TEAD2: variants seen among roughly 807,000 people sequenced by gnomAD.
The protein encoded by TEAD2 is TEA domain transcription factor 2.
Under a neutral mutation model 61.4 loss-of-function variants are expected in TEAD2, and 51 were observed. The ratio of observed to expected loss-of-function variants is 0.83; its 90% CI spans 0.66 to 1.05. The LOEUF is 1.05. TEAD2 is among the 50% of genes least tolerant of loss of function. The pLI is 0.00. For missense variants in TEAD2, 509 were observed against 600.0 expected, an observed-to-expected ratio of 0.85 and a Z score of 1.58; for synonymous variants, 244 against 243.2, an observed-to-expected ratio of 1.00 and a Z score of -0.03.
rs777297141 is a variant in TEAD2, at chr19:49,341,878, A to G, written c.1243-441T>C. ...GCCCTCCAGTCAGCTTCACCAGGGA[A>G]GGAGGGACCCACCTTATGTGCGAGT... On this transcript the variant is annotated intron_variant, in intron 12 of 12. Transcript: ENST00000593945. The surrounding 1 kb of genome is among the most constrained non-coding windows in gnomAD (Gnocchi z 4.2). Among the ~76,000 whole-genome samples, 23 of 152,108 alleles carry G rather than the reference A, an allele frequency of 1.5e-4. No homozygotes were observed. The highest frequency in any genetic ancestry group is 2.8e-4 in the Non-Finnish European group (19 of 68,006).
intron 11 of TEAD2, 65 bp from the exon 12 acceptor site, chr19:49,342,655 T>C: frequency 6.3e-7 from 1 of 1,581,492 alleles, no homozygotes; most frequent in East Asian, 2.3e-5. Flanking sequence ...CCCCAGGAAT[T>C]GAGCTCCACC....
chr19:49,355,080 G>A, intron 7 of TEAD2, 68 bp downstream of exon 7: 2 of 1,243,986 alleles, frequency 1.6e-6, no homozygotes, highest in African/African-American at 1.5e-5. Context: ...AGAAGGTGGA[G>A]TGAGAAAGGT....
In TEAD2 at chr19:49,359,432, G is replaced by T. The variant is rs375385056; in HGVS notation, c.297+3C>A. 26 of 1,613,834 alleles carry T rather than the reference G, an allele frequency of 1.6e-5. No individual in the cohort carries two copies. The African/African-American group carries it at 3.3e-4, about 21-fold the overall frequency. ...ACAGAAGCCCACAAGTCCATTCCGA[G>T]ACCTGTTTTCGAGTTCGGGTCTTCC... is the stretch of plus-strand genomic sequence containing the variant. On this transcript the variant is annotated splice_donor_region_variant and intron_variant, in intron 3 of 12. Transcript: ENST00000593945. The surrounding 1 kb of genome is among the most constrained non-coding windows in gnomAD (Gnocchi z 4.1).
chr19:49,355,265 T>A, intron 6 of TEAD2, 47 bp downstream of exon 6: 3 of 1,613,172 alleles, frequency 1.9e-6, no homozygotes, highest in Non-Finnish European at 2.5e-6. Context: ...TGCAGCCCCA[T>A]CCATCCCCCT....
chr19:49,360,195 C>A, intron 1 of TEAD2, 114 bp from the exon 2 acceptor site: 1 of 798,178 alleles, frequency 1.3e-6, no homozygotes, highest in Non-Finnish European at 2.0e-6. Context: ...GGCTGGGGAC[C>A]TGGACTCCTG....
Position 49,341,494 on chromosome 19 carries a change from G to A in TEAD2, c.1243-57C>T. 2 of 1,409,704 alleles carry A rather than the reference G, an allele frequency of 1.4e-6. No homozygotes were observed. The highest frequency in any genetic ancestry group is 1.0e-6 in the Non-Finnish European group (1 of 1,000,414). 87.3% of individuals were successfully genotyped at this position (1,409,704 alleles called of 1,614,324 possible). ...CTTAGAAGGGAGGGCAGGGACCCCT[G>A]TGCCCCCCTGCCAAGCTATCATGGA... On this transcript the variant is annotated intron_variant, in intron 12 of 12. Coordinates refer to ENST00000593945, the MANE Select transcript of TEAD2 (RefSeq NM_001256660.2). This position sits in a 1 kb window ranked among gnomAD's most constrained non-coding sequence, Gnocchi z 4.2.
In TEAD2 at chr19:49,340,981, G is replaced by A; in HGVS notation, c.*343C>T. ...CTCCAAGACATGCAGAGGAGTGGGG[G>A]TGGCCTGTCAGGGGCTGAAAAGAAA... On this transcript the variant is annotated 3_prime_UTR_variant, in exon 13 of 13. Transcript: ENST00000593945. The A allele has an allele frequency of 4.4e-6, 1 of 228,124 alleles. No individual in the cohort carries two copies. Among genetic ancestry groups the A allele is most frequent in the Non-Finnish European group, 8.7e-6 (1 of 114,304 alleles). The allele number at this position is 228,124 out of a possible 1,614,324, so 14.1% of individuals were successfully genotyped here.
At chr19:49,351,857 G>T (rs145407678) in intron 7 of TEAD2, among the ~76,000 whole-genome samples, 3 of 151,900 alleles carry the variant, frequency 2.0e-5, no homozygotes, top group Non-Finnish European at 2.9e-5. Context: ...GTGGTGGTGC[G>T]CGCCTGTAAT....
chr19:49,347,465 C>A, intron 9 of TEAD2, 102 bp from the exon 10 acceptor site: 2 of 1,359,038 alleles, frequency 1.5e-6, no homozygotes, highest in South Asian at 1.3e-5. Context: ...ACAGCTCTGG[C>A]CAGCTGTTCC....
intron 11 of TEAD2, among the ~76,000 whole-genome samples, chr19:49,342,940 G>A (rs531201642): frequency 1.1e-4 from 17 of 152,152 alleles, no homozygotes; most frequent in African/African-American, 4.1e-4. Context: ...TCCAGCAACT[G>A]TAAGTGTGAC....
In TEAD2 at chr19:49,345,291, TTTCC is replaced by T. The variant is rs536962723; in HGVS notation, c.921+1895_922-1894del. 2.5e-3 allele frequency among the ~76,000 whole-genome samples: 383 copies of T among 151,892 alleles called. 1 individual carries two copies. The highest frequency in any genetic ancestry group is 3.8e-3 in the Admixed American group (58 of 15,242). On this transcript the variant is annotated intron_variant, in intron 10 of 12. Coordinates refer to ENST00000593945, the MANE Select transcript of TEAD2 (RefSeq NM_001256660.2). ...AGGCCCTCAGCAGGCCTTTCCTTCC[TTTCC>T]TTCCTTCCTTCCTTCTTTCTTTCCT...
intron 10 of TEAD2, among the ~76,000 whole-genome samples, chr19:49,346,957 G>A (rs1409374620): frequency 6.6e-6 from 1 of 152,206 alleles, no homozygotes; most frequent in Non-Finnish European, 1.5e-5. Context: ...TTAGTTACAT[G>A]TGGCAATGTC....
At position 49,343,214 on chromosome 19, in the gene TEAD2, C is replaced by T. The variant is rs1971413551; in HGVS notation, c.1089+17G>A. 1 of 1,597,316 alleles carries T rather than the reference C, an allele frequency of 6.3e-7. No individual in the cohort carries two copies. Among genetic ancestry groups the T allele is most frequent in the Non-Finnish European group, 8.5e-7 (1 of 1,171,934 alleles). ...ACCCCCAAGTGCTGACCCAGAGCTC[C>T]ACCCCTCCAGCCTCACCTCCACCTT... On this transcript the variant is annotated intron_variant, in intron 11 of 12. Coordinates refer to ENST00000593945, the MANE Select transcript of TEAD2 (RefSeq NM_001256660.2).
intron 10 of TEAD2, among the ~76,000 whole-genome samples, chr19:49,344,384 G>A (rs1185226267): frequency 1.3e-5 from 2 of 151,822 alleles, no homozygotes; most frequent in Non-Finnish European, 2.9e-5. Context: ...GGGTTCAAGC[G>A]ATTCTCCTGC....
intron 1 of TEAD2, 41 bp from the exon 2 acceptor site, chr19:49,360,122 A>C: frequency 1.3e-6 from 2 of 1,498,556 alleles, no homozygotes; most frequent in Non-Finnish European, 1.8e-6. Context: ...CCCAAACCCC[A>C]CCCTCAAGGG....
rs1249003788 is a variant in TEAD2, at chr19:49,341,677, G to A, written c.1243-240C>T. On this transcript the variant is annotated intron_variant, in intron 12 of 12. Coordinates refer to ENST00000593945, the MANE Select transcript of TEAD2 (RefSeq NM_001256660.2). The surrounding 1 kb of genome is among the most constrained non-coding windows in gnomAD (Gnocchi z 4.2). The stretch of plus-strand genomic sequence containing the variant: ...GGTGTATCACATCTCAGGGTTAATC[G>A]GGTTCCCATCACATCACATTCCCTG... Among the ~76,000 whole-genome samples, 5 of 152,074 alleles carry A rather than the reference G, an allele frequency of 3.3e-5. No individual in the cohort carries two copies. Among genetic ancestry groups the A allele is most frequent in the Non-Finnish European group, 5.9e-5 (4 of 68,008 alleles).
Position 49,357,187 on chromosome 19 carries a change from T to C in TEAD2, c.360+65A>G, listed in dbSNP as rs142695949. The stretch of plus-strand genomic sequence containing the variant: ...CTCCCTGGGTCTCTGTCCCTCTCTT[T>C]CTGGGTCTCGGTCCCCCACCCCCAG... On this transcript the variant is annotated intron_variant, in intron 4 of 12. Coordinates refer to ENST00000593945, the MANE Select transcript of TEAD2 (RefSeq NM_001256660.2). 7.4e-5 allele frequency: 112 copies of C among 1,508,732 alleles called. No homozygotes were observed. In the African/African-American group the frequency reaches 1.5e-3, roughly 20 times the overall value. The allele number at this position is 1,508,732 out of a possible 1,614,324, so 93.5% of individuals were successfully genotyped here.
intron 10 of TEAD2, among the ~76,000 whole-genome samples, chr19:49,344,295 T>C (rs1203625585): frequency 6.6e-6 from 1 of 151,962 alleles, no homozygotes; most frequent in South Asian, 2.1e-4. Flanking sequence ...CTTTTCTTTT[T>C]TTTTTTTCTG....
intron 7 of TEAD2, among the ~76,000 whole-genome samples, chr19:49,353,012 C>T (rs1249991452): frequency 6.6e-6 from 1 of 152,176 alleles, no homozygotes; most frequent in Non-Finnish European, 1.5e-5. Context: ...GACTGGCCTC[C>T]TCTAGATTCC....
Sources: allele counts gnomAD v4.1 joint callset (sites outside exome capture counted in the v4.1 genomes callset), GRCh38; gene constraint gnomAD v4.1.1; non-coding constraint Gnocchi (gnomAD v3.1); transcripts MANE v1.5; gene names NCBI Gene and HGNC (gene_info 2026-07-23, HGNC 2026-07-21).